MEF2C: variants seen among roughly 807,000 people sequenced by gnomAD.
MEF2C encodes myocyte-specific enhancer factor 2C.
Under a neutral mutation model 50.5 loss-of-function variants are expected in MEF2C, and 6 were observed. The observed-to-expected ratio is 0.12, with a 90% CI of 0.07 to 0.23. The LOEUF (loss-of-function observed/expected upper bound fraction) is 0.23. MEF2C is among the 10% of genes least tolerant of loss of function. The probability of loss-of-function intolerance (pLI) is 1.00; values close to 1 mark genes in which losing one functional copy is unlikely to be tolerated. For synonymous variants in MEF2C, 183 were observed against 228.0 expected, an observed-to-expected ratio of 0.80 and a Z score of 1.78; for missense variants, 276 against 605.0, an observed-to-expected ratio of 0.46 and a Z score of 5.70.
chr5:88,742,607 C>G (rs1767360150), intron 6 of MEF2C: 1 of 985,108 alleles, frequency 1.0e-6, no homozygotes. Context: ...GAAGTTATAA[C>G]CTAAAATTTT....
At chr5:88,776,165 T>C (rs544745563) in intron 3 of MEF2C, among the ~76,000 whole-genome samples, 137 of 152,270 alleles carry the variant, frequency 9.0e-4, no homozygotes, top group African/African-American at 3.2e-3. Flanking sequence ...ATCAATTTGT[T>C]AACTGTTATG....
intron 1 of MEF2C, among the ~76,000 whole-genome samples, chr5:88,848,761 A>G (rs531569239): frequency 1.3e-5 from 2 of 152,346 alleles, no homozygotes; most frequent in South Asian, 2.1e-4. Context: ...ACTAATGAAT[A>G]AGGTATTTAG....
intron 1 of MEF2C, chr5:88,881,011 T>A (rs1832664871): frequency 6.6e-6 from 1 of 152,098 alleles, no homozygotes; most frequent in African/African-American, 2.4e-5. Context: ...AATGCTGCCT[T>A]TCCTAAGAAG....
intron 1 of MEF2C, among the ~76,000 whole-genome samples, chr5:88,882,567 C>G (rs1299625627): frequency 2.0e-5 from 3 of 152,164 alleles, no homozygotes; most frequent in East Asian, 3.9e-4. Flanking sequence ...AGTGAACTAA[C>G]TGCTAAATCT....
intron 3 of MEF2C, among the ~76,000 whole-genome samples, chr5:88,782,473 A>T (rs567693696): frequency 3.7e-4 from 56 of 152,210 alleles, no homozygotes; most frequent in South Asian, 8.3e-4. Flanking sequence ...TCAAAAAAAA[A>T]AAAAATAAAA....
chr5:88,751,827 T>G (rs2152524107), intron 5 of MEF2C, 30 bp downstream of exon 5: 1 of 1,602,616 alleles, frequency 6.2e-7, no homozygotes, highest in East Asian at 2.2e-5. Context: ...TCCAACTATT[T>G]GTTAGCATTA....
chr5:88,753,667 AG>A (rs1773906282), intron 4 of MEF2C, among the ~76,000 whole-genome samples: 1 of 152,228 alleles, frequency 6.6e-6, no homozygotes, highest in Non-Finnish European at 1.5e-5. Context: ...CTGGGATTAT[AG>A]GTGTGAGCTA....
intron 6 of MEF2C, chr5:88,735,908 T>C: frequency 1.0e-6 from 1 of 985,426 alleles, no homozygotes; most frequent in Non-Finnish European, 1.2e-6. Context: ...GTTTAGGCAT[T>C]TTGAGTTTTC....
chr5:88,745,962 A>G (rs919518219), intron 6 of MEF2C, among the ~76,000 whole-genome samples: 3 of 152,188 alleles, frequency 2.0e-5, no homozygotes, highest in Admixed American at 1.3e-4. Context: ...TATGAGAATG[A>G]TGCTTTTTGT....
intron 3 of MEF2C, among the ~76,000 whole-genome samples, chr5:88,787,700 TA>T (rs1403233837): frequency 6.6e-6 from 1 of 152,170 alleles, no homozygotes; most frequent in African/African-American, 2.4e-5. Context: ...TCAGAACAAC[TA>T]CAGTTAAGGA....
intron 2 of MEF2C, among the ~76,000 whole-genome samples, chr5:88,811,198 G>A (rs2153119867): frequency 6.6e-6 from 1 of 152,228 alleles, no homozygotes; most frequent in East Asian, 1.9e-4. Flanking sequence ...AATCTGGCAT[G>A]AGGAACCATT....
rs375347961 is a variant in MEF2C at position 88,845,503 on chromosome 5, CAGT to C, written c.-142-21576_-142-21574del. ...ACCACTAAATCTGAGATTACAACAG[CAGT>C]AGAAGTTTTGAGGAAGAGTACACTT... On this transcript the variant is annotated intron_variant, in intron 1 of 10. Transcript: ENST00000504921. Among the ~76,000 whole-genome samples, 666 of 152,216 alleles carry C rather than the reference CAGT, an allele frequency of 4.4e-3. 7 individuals are homozygous for C. Among genetic ancestry groups the C allele is most frequent in the African/African-American group, 0.015 (643 of 41,508 alleles).
intron 1 of MEF2C, among the ~76,000 whole-genome samples, chr5:88,840,762 A>G (rs868743747): frequency 1.6e-4 from 25 of 152,312 alleles, no homozygotes; most frequent in Non-Finnish European, 2.8e-4. Flanking sequence ...TTTAAAATGT[A>G]ATGACTAAAT....
chr5:88,825,684 A>G (rs1810560029), intron 1 of MEF2C: 2 of 946,336 alleles, frequency 2.1e-6, no homozygotes, highest in East Asian at 1.2e-4. Flanking sequence ...ATGTCACTCA[A>G]TGGGGCAACT....
intron 3 of MEF2C, among the ~76,000 whole-genome samples, chr5:88,773,315 G>C (rs888688001): frequency 3.3e-5 from 5 of 152,128 alleles, no homozygotes; most frequent in Non-Finnish European, 7.4e-5. Flanking sequence ...TATTAGGTTT[G>C]TATACATACT....
At chr5:88,804,936 A>C (rs771175342) in intron 2 of MEF2C, 135 bp from the exon 3 acceptor site, 180 of 634,204 alleles carry the variant, frequency 2.8e-4, no homozygotes, top group Non-Finnish European at 3.5e-4. Context: ...ACATTCAGAA[A>C]GAAAGCAAAT....
At chr5:88,736,729 G>A in intron 6 of MEF2C, 2 of 985,350 alleles carry the variant, frequency 2.0e-6, no homozygotes, top group Non-Finnish European at 2.4e-6. Flanking sequence ...ATACATGAGT[G>A]CTTAACACAG....
intron 2 of MEF2C, among the ~76,000 whole-genome samples, chr5:88,816,292 TATC>T (rs1805321792): frequency 6.6e-6 from 1 of 151,896 alleles, no homozygotes; most frequent in South Asian, 2.1e-4. Context: ...AAATATAAAA[TATC>T]ATGCACCGAA....
intron 6 of MEF2C, chr5:88,739,329 T>G (rs1418269602): frequency 1.0e-6 from 1 of 984,688 alleles, no homozygotes; most frequent in Non-Finnish European, 1.2e-6. Flanking sequence ...ACAAAATGTT[T>G]TACTCACTTT....
Sources: gnomAD v4.1 joint callset for allele counts (sites outside exome capture counted in the v4.1 genomes callset) on GRCh38, gnomAD v4.1.1 for gene constraint, MANE v1.5 for transcripts, NCBI Gene and HGNC (gene_info 2026-07-23, HGNC 2026-07-21) for gene names.